DISC1: variants seen among roughly 807,000 people sequenced by gnomAD.
DISC1 encodes the protein disrupted in schizophrenia 1 protein.
Under a neutral mutation model 84.5 loss-of-function variants are expected in DISC1, and 57 were observed. The ratio of observed to expected loss-of-function variants is 0.67; its 90% CI spans 0.55 to 0.84. DISC1 has a LOEUF of 0.84. Ranked by LOEUF, DISC1 falls within the 40% of genes least tolerant of loss-of-function variation. DISC1 has a pLI of 0.00. For missense variants in DISC1, 1,000 were observed against 1,057.8 expected (o/e 0.95, Z 0.76); for synonymous variants, 411 against 415.2 (o/e 0.99, Z 0.12).
intron 1 of DISC1, among the ~76,000 whole-genome samples, chr1:231,677,153 AT>A (rs1349955802): frequency 2.0e-5 from 3 of 152,070 alleles, no homozygotes; most frequent in Admixed American, 1.3e-4. Flanking sequence ...CTTAGATGAT[AT>A]TTTCCTGATA....
In DISC1 at chr1:231,771,053, A is replaced by G; in HGVS notation, c.1617A>G (p.Pro539=). ...SAGQIPFHAE[P]PETIRSLQER... ...GTCAGATTCCCTTCCATGCAGAGCC[A>G]CCGGAAACCATAAGGAGGTACTGCT... is the stretch of plus-strand genomic sequence containing the variant. The change falls in exon 6 of 13, where the codon CCA becomes CCG. Residue 539 remains proline (P), a synonymous_variant. Coordinates refer to ENST00000439617, the MANE Select transcript of DISC1 (RefSeq NM_018662.3). The G allele has an allele frequency of 6.2e-7, 1 of 1,603,656 alleles. No homozygotes were observed. Among genetic ancestry groups the G allele is most frequent in the Non-Finnish European group, 8.5e-7 (1 of 1,174,448 alleles).
At position 231,750,710 on chromosome 1, in the gene DISC1, T is replaced by C. The variant is rs1488628675; in HGVS notation, c.1268+634T>C. The C allele has an allele frequency of 1.6e-5, 7 of 449,468 alleles. No individual in the cohort carries two copies. In the East Asian group the frequency reaches 1.1e-3, roughly 70 times the overall value. The allele number at this position is 449,468 out of a possible 1,614,324, so 27.8% of individuals were successfully genotyped here. On this transcript the variant is annotated intron_variant, in intron 4 of 12. Transcript: ENST00000439617. Reference sequence around the variant, plus strand: ...GGGAGGCAAGGGTGGCTCCCAGATATTGGCATGCTTAAAAAGGCTGAGAAC... The same window carrying C: ...GGGAGGCAAGGGTGGCTCCCAGATACTGGCATGCTTAAAAAGGCTGAGAAC...
At chr1:231,674,741 T>A (rs573487364) in intron 1 of DISC1, among the ~76,000 whole-genome samples, 1 of 152,244 alleles carries the variant, frequency 6.6e-6, no homozygotes, top group Non-Finnish European at 1.5e-5. Flanking sequence ...TTCGTGGCCA[T>A]GTGTATGTAG....
chr1:231,979,934 A>C (rs1457247170), intron 10 of DISC1, among the ~76,000 whole-genome samples: 1 of 152,194 alleles, frequency 6.6e-6, no homozygotes, highest in Non-Finnish European at 1.5e-5. Flanking sequence ...CTCGATGCAT[A>C]GTTAGCTCAA....
chr1:231,797,268 G>C (rs529400730), intron 7 of DISC1, among the ~76,000 whole-genome samples: 3 of 152,252 alleles, frequency 2.0e-5, no homozygotes, highest in Admixed American at 6.5e-5. Flanking sequence ...CCAATATTAG[G>C]ATTTGCTGAA....
chr1:231,689,473 A>G (rs1299741263), intron 1 of DISC1, among the ~76,000 whole-genome samples: 1 of 152,014 alleles, frequency 6.6e-6, no homozygotes, highest in Non-Finnish European at 1.5e-5. Flanking sequence ...CTGGGATTAC[A>G]GGTGTGCACC....
chr1:231,899,679 G>C (rs1395505320), intron 9 of DISC1, among the ~76,000 whole-genome samples: 2 of 152,158 alleles, frequency 1.3e-5, no homozygotes, highest in East Asian at 3.9e-4. Context: ...GCTGAAATTA[G>C]AGATAAAATG....
intron 9 of DISC1, among the ~76,000 whole-genome samples, chr1:231,891,711 T>C (rs1461248641): frequency 2.0e-5 from 3 of 152,172 alleles, no homozygotes; most frequent in Non-Finnish European, 4.4e-5. Flanking sequence ...TCACCTGCTG[T>C]TCCATTGGCC....
chr1:232,018,321 C>T (rs996937289), intron 11 of DISC1, among the ~76,000 whole-genome samples: 3 of 152,144 alleles, frequency 2.0e-5, no homozygotes, highest in Non-Finnish European at 2.9e-5. Context: ...GTATCTTCCA[C>T]ATGTCATAGG....
chr1:231,851,225 G>T (rs200501529), intron 9 of DISC1, among the ~76,000 whole-genome samples: 23 of 152,126 alleles, frequency 1.5e-4, no homozygotes, highest in Non-Finnish European at 2.6e-4. Flanking sequence ...TGTGTTTTTC[G>T]AAGGCAACTT....
At chr1:231,637,865 G>A (rs1462144784) in intron 1 of DISC1, among the ~76,000 whole-genome samples, 1 of 152,160 alleles carries the variant, frequency 6.6e-6, no homozygotes, top group African/African-American at 2.4e-5. Context: ...CACAATAGTA[G>A]GATTGCTATA....
intron 11 of DISC1, among the ~76,000 whole-genome samples, chr1:232,019,337 G>A (rs1360734851): frequency 6.6e-6 from 1 of 152,166 alleles, no homozygotes; most frequent in African/African-American, 2.4e-5. Context: ...TTAAATGATG[G>A]GACGGATGTT....
At chr1:231,842,120 C>A (rs1039822009) in intron 9 of DISC1, among the ~76,000 whole-genome samples, 6 of 151,980 alleles carry the variant, frequency 3.9e-5, no homozygotes, top group Admixed American at 3.9e-4. Context: ...TGTCAGGCTC[C>A]CAAGCATCTG....
rs577147849 is a variant in DISC1, at chr1:232,030,024, A to G, written c.2425+3472A>G. ...AAATTACATGTAGCATGACCAAAGA[A>G]CAACACAAACCCATCAGCTACTGTG... On this transcript the variant is annotated intron_variant, in intron 12 of 12. Transcript: ENST00000439617. 6.6e-5 allele frequency among the ~76,000 whole-genome samples: 10 copies of G among 152,318 alleles called. No individual in the cohort carries two copies. In the South Asian group the frequency reaches 2.1e-3, roughly 32 times the overall value.
intron 9 of DISC1, among the ~76,000 whole-genome samples, chr1:231,919,270 T>A (rs2089848132): frequency 6.6e-6 from 1 of 152,264 alleles, no homozygotes; most frequent in Admixed American, 6.5e-5. Context: ...GCTGCTACTC[T>A]GACTTTGATT....
rs1294114550 is a variant in DISC1 at position 231,694,296 on chromosome 1, G to A, written c.538G>A (p.Ala180Thr). 2 of 1,614,270 alleles carry A rather than the reference G, an allele frequency of 1.2e-6. No individual in the cohort carries two copies. Among genetic ancestry groups the A allele is most frequent in the Non-Finnish European group, 1.7e-6 (2 of 1,180,042 alleles). ...CCGGGCAGCAGGCTCTCTGCCATCAGCAGAGTTGAGTAGCAACAGCTGCAG... is the reference window on the plus strand; with the variant it reads ...CCGGGCAGCAGGCTCTCTGCCATCAACAGAGTTGAGTAGCAACAGCTGCAG... ...RVRAAGSLPS[A>T]ELSSNSCSPG... The change falls in exon 2 of 13, where the codon GCA becomes ACA. Residue 180 changes from alanine (A) to threonine (T), a missense_variant. Ala to Thr is a moderately conservative substitution (Grantham distance 58). Coordinates refer to ENST00000439617, the MANE Select transcript of DISC1 (RefSeq NM_018662.3).
rs879552103 is a variant in DISC1, at chr1:232,005,838, A to G, written c.2043-2947A>G. Among the ~76,000 whole-genome samples the G allele has an allele frequency of 5.9e-5, 9 of 152,368 alleles. No homozygotes were observed. The South Asian group carries it at 8.3e-4, about 14-fold the overall frequency. ...ACAGCAGATTCGAGACAGTAGAAGGAAGGGTTATTAAATGGAAGATAGGTC... is the reference window on the plus strand; with the variant it reads ...ACAGCAGATTCGAGACAGTAGAAGGGAGGGTTATTAAATGGAAGATAGGTC... On this transcript the variant is annotated intron_variant, in intron 10 of 12. Transcript: ENST00000439617.
chr1:231,714,616 AACAG>A (rs1383583832), intron 3 of DISC1, among the ~76,000 whole-genome samples: 2 of 151,446 alleles, frequency 1.3e-5, no homozygotes, highest in African/African-American at 2.4e-5. Flanking sequence ...AAGAGAGAGA[AACAG>A]AGAGAGAGGA....
intron 10 of DISC1, among the ~76,000 whole-genome samples, chr1:231,999,953 G>A (rs1243852068): frequency 6.6e-6 from 1 of 152,132 alleles, no homozygotes; most frequent in Non-Finnish European, 1.5e-5. Flanking sequence ...TAGAAAAGTA[G>A]GACGGGACCT....
Sources: gnomAD v4.1 joint callset for allele counts (sites outside exome capture counted in the v4.1 genomes callset) on GRCh38, gnomAD v4.1.1 for gene constraint, MANE v1.5 for transcripts, NCBI Gene and HGNC (gene_info 2026-07-23, HGNC 2026-07-21) for gene names.